Variants in RIPK1 observed in about 807,000 individuals in gnomAD.
RIPK1 encodes receptor interacting serine/threonine kinase 1, also known as receptor-interacting serine/threonine-protein kinase 1.
Under a neutral mutation model 62.4 loss-of-function variants are expected in RIPK1, and 27 were observed. The ratio of observed to expected loss-of-function variants is 0.43; its 90% CI spans 0.32 to 0.60. The LOEUF (loss-of-function observed/expected upper bound fraction) is 0.60. RIPK1 is among the 20% of genes least tolerant of loss of function. The pLI, the probability that RIPK1 is intolerant of heterozygous loss-of-function variation, is 0.07. For missense variants in RIPK1, 735 were observed against 831.0 expected (o/e 0.88, Z 1.42); for synonymous variants, 287 against 303.2 (o/e 0.95, Z 0.55).
intron 9 of RIPK1, among the ~76,000 whole-genome samples, chr6:3,110,355 C>T (rs1761093971): frequency 6.6e-6 from 1 of 152,008 alleles, no homozygotes; most frequent in South Asian, 2.1e-4. Flanking sequence ...ATTACAGGCA[C>T]CCACCACCAC....
chr6:3,077,259 A>G (rs939024002), intron 2 of RIPK1, among the ~76,000 whole-genome samples: 13 of 152,088 alleles, frequency 8.5e-5, no homozygotes, highest in African/African-American at 3.1e-4. Context: ...TGGTGGGGGG[A>G]CAATGAAAAG....
rs1439561330 is a variant in RIPK1 at position 3,077,822 on chromosome 6, C to T, written c.208C>T (p.Leu70=). The T allele has an allele frequency of 1.2e-6, 2 of 1,614,196 alleles. No individual in the cohort carries two copies. The highest frequency in any genetic ancestry group is 1.7e-6 in the Non-Finnish European group (2 of 1,180,020). ...LLEEAKMMNR[L]RHSRVVKLLG... is the part of the protein sequence containing the mutation. ...GGAGGAGGCGAAGATGATGAACAGA[C>T]TGAGACACAGCCGGGTGGTGAAGCT... Residue 70 remains leucine (L), a synonymous_variant, in exon 3 of 11, where the codon CTG becomes TTG. Transcript: ENST00000259808.
upstream of RIPK1, among the ~76,000 whole-genome samples, chr6:3,064,869 A>G (rs1483065004): frequency 6.6e-6 from 1 of 152,046 alleles, no homozygotes; most frequent in Non-Finnish European, 1.5e-5. Flanking sequence ...GCAGGTGGAG[A>G]AGAAACCGTT....
intron 5 of RIPK1, among the ~76,000 whole-genome samples, chr6:3,083,971 C>G (rs1267276757): frequency 2.6e-5 from 4 of 152,152 alleles, no homozygotes; most frequent in Admixed American, 2.6e-4. Flanking sequence ...TGGGAAGTGG[C>G]ATCGCCATCC....
chr6:3,083,527 T>C (rs897351087), intron 5 of RIPK1, among the ~76,000 whole-genome samples: 1 of 152,126 alleles, frequency 6.6e-6, no homozygotes, highest in Admixed American at 6.5e-5. Context: ...AAGTTGATTG[T>C]TTCTGCTTGT....
At chr6:3,080,880 T>C (rs2113595555) in intron 3 of RIPK1, 99 bp from the exon 4 acceptor site, 1 of 1,172,026 alleles carries the variant, frequency 8.5e-7, no homozygotes, top group Non-Finnish European at 1.2e-6. Flanking sequence ...CCTGGTAACC[T>C]TCTCCTCAGG....
At chr6:3,068,373 A>AG (rs1758481929), upstream of RIPK1, 1 of 985,294 alleles carries the variant, frequency 1.0e-6, no homozygotes, top group Non-Finnish European at 1.2e-6. Context: ...GCGATCCTCT[A>AG]GCCCGCAAGA....
In RIPK1 at chr6:3,072,081, T is replaced by C. The variant is rs1017046790; in HGVS notation, c.-61+3420T>C. ...TGGGCATAACTGATTCTCTCCTCTG[T>C]ACATGCTAAGTGTTTTACCTACTTT... On this transcript the variant is annotated intron_variant, in intron 1 of 10. Transcript: ENST00000259808. This position sits in a 1 kb window ranked among gnomAD's most constrained non-coding sequence, Gnocchi z 5.6. 6.6e-6 allele frequency among the ~76,000 whole-genome samples: 1 copy of C among 152,238 alleles called. No homozygotes were observed. The highest frequency in any genetic ancestry group is 2.4e-5 in the African/African-American group (1 of 41,456).
intron 1 of RIPK1, among the ~76,000 whole-genome samples, chr6:3,071,641 AAG>A: frequency 6.6e-6 from 1 of 152,288 alleles, no homozygotes; most frequent in African/African-American, 2.4e-5. Flanking sequence ...ATGTGGAAAA[AAG>A]AGGGGTGGAT....
chr6:3,094,514 A>C (rs1012754127), intron 7 of RIPK1, among the ~76,000 whole-genome samples: 1 of 151,752 alleles, frequency 6.6e-6, no homozygotes, highest in Admixed American at 6.6e-5. Context: ...AAAACACTAC[A>C]TATTAAAATT....
At chr6:3,106,154 A>C (rs1017699718) in intron 9 of RIPK1, 103 bp downstream of exon 9, 108 of 902,516 alleles carry the variant, frequency 1.2e-4, no homozygotes, top group Admixed American at 1.8e-4. Context: ...ATGGGGACAG[A>C]GGGCATCATC....
chr6:3,110,203 G>A (rs945526072), intron 9 of RIPK1, among the ~76,000 whole-genome samples: 1 of 114,824 alleles, frequency 8.7e-6, no homozygotes. Flanking sequence ...GAAGAATCAC[G>A]ATTTTTTTTT....
rs1015964158 is a variant in RIPK1 at position 3,105,099 on chromosome 6, G to A, written c.1007-383G>A. Among the ~76,000 whole-genome samples, 5 of 152,098 alleles carry A rather than the reference G, an allele frequency of 3.3e-5. No individual in the cohort carries two copies. The highest frequency in any genetic ancestry group is 2.9e-5 in the Non-Finnish European group (2 of 68,036). On this transcript the variant is annotated intron_variant, in intron 8 of 10. Coordinates refer to ENST00000259808, the MANE Select transcript of RIPK1 (RefSeq NM_001354930.2). This position sits in a 1 kb window ranked among gnomAD's most constrained non-coding sequence, Gnocchi z 4.5. Reference sequence around the variant, plus strand: ...ACTCCTGACCTCAGGTGATCCGTCCGCCTCAGCCTCCCAACGTGCTAGGAT... The same window carrying A: ...ACTCCTGACCTCAGGTGATCCGTCCACCTCAGCCTCCCAACGTGCTAGGAT...
At chr6:3,067,709 A>G (rs1274774349), upstream of RIPK1, among the ~76,000 whole-genome samples, 8 of 148,794 alleles carry the variant, frequency 5.4e-5, no homozygotes, top group Non-Finnish European at 1.2e-4. Flanking sequence ...CTTGACATAC[A>G]TATCTTTTCA....
At chr6:3,082,411 C>CTA (rs1356970067) in intron 4 of RIPK1, among the ~76,000 whole-genome samples, 3 of 152,202 alleles carry the variant, frequency 2.0e-5, no homozygotes, top group African/African-American at 7.2e-5. Flanking sequence ...GAACTGGCAC[C>CTA]TATATTCTCT....
At chr6:3,086,262 A>T (rs1330995017) in intron 6 of RIPK1, among the ~76,000 whole-genome samples, 1 of 152,216 alleles carries the variant, frequency 6.6e-6, no homozygotes, top group Non-Finnish European at 1.5e-5. Context: ...ATTCGTGGAC[A>T]TGTTTTTGTG....
intron 3 of RIPK1, among the ~76,000 whole-genome samples, chr6:3,078,855 C>T (rs17548329): frequency 2.6e-5 from 4 of 151,546 alleles, no homozygotes; most frequent in African/African-American, 9.7e-5. Context: ...GCTAATATGA[C>T]GTAGGAGAGT....
upstream of RIPK1, chr6:3,068,116 C>T (rs564761798): frequency 2.0e-5 from 15 of 732,474 alleles, no homozygotes; most frequent in African/African-American, 2.3e-4. Flanking sequence ...TTGCTCGAGA[C>T]TTCACAATTA....
intron 7 of RIPK1, among the ~76,000 whole-genome samples, chr6:3,096,312 A>G (rs1760288876): frequency 6.6e-6 from 1 of 152,106 alleles, no homozygotes; most frequent in Non-Finnish European, 1.5e-5. Context: ...ACATAGAAAA[A>G]CTCAAAAGTA....
Sources: gnomAD v4.1 joint callset for allele counts (sites outside exome capture counted in the v4.1 genomes callset) on GRCh38, gnomAD v4.1.1 for gene constraint, Gnocchi (gnomAD v3.1) non-coding constraint, MANE v1.5 for transcripts, NCBI Gene and HGNC (gene_info 2026-07-23, HGNC 2026-07-21) for gene names.